PTPRQ: variants seen among roughly 807,000 people sequenced by gnomAD.
The protein encoded by PTPRQ is phosphatidylinositol phosphatase PTPRQ.
Under a neutral mutation model 246.0 loss-of-function variants are expected in PTPRQ, and 199 were observed. The ratio of observed to expected loss-of-function variants is 0.81; its 90% confidence interval spans 0.72 to 0.91. The LOEUF (loss-of-function observed/expected upper bound fraction) is 0.91, where lower values mean the gene tolerates loss of function less well. Among genes scored for constraint, PTPRQ ranks in the 40% least tolerant of loss-of-function variants. PTPRQ has a pLI of 0.00. For missense variants in PTPRQ, 2,624 were observed against 2,528.4 expected, an observed-to-expected ratio of 1.04 and a Z score of -0.81; for synonymous variants, 869 against 853.2, an observed-to-expected ratio of 1.02 and a Z score of -0.32.
intron 35 of PTPRQ, among the ~76,000 whole-genome samples, chr12:80,635,626 T>C (rs1899618474): frequency 1.3e-5 from 2 of 152,066 alleles, no homozygotes; most frequent in South Asian, 4.1e-4. Context: ...ACATGTGTAC[T>C]AAATATGTTT....
At chr12:80,648,998 G>GC in intron 36 of PTPRQ, 75 bp downstream of exon 36, 1 of 1,356,770 alleles carries the variant, frequency 7.4e-7, no homozygotes, top group South Asian at 1.7e-5. Flanking sequence ...GAACCTTAAT[G>GC]TGTGATTCAC....
At chr12:80,583,859 G>A (rs979215150) in intron 25 of PTPRQ, 7 of 152,178 alleles carry the variant, frequency 4.6e-5, no homozygotes, top group Non-Finnish European at 5.9e-5. Flanking sequence ...GTAGAATTTA[G>A]TTCCTTGCAG....
intron 16 of PTPRQ, 141 bp from the exon 17 acceptor site, chr12:80,510,182 A>C (rs1240146588): frequency 3.6e-6 from 3 of 831,234 alleles, no homozygotes; most frequent in Non-Finnish European, 5.0e-6. Context: ...GAAAGTAAAC[A>C]GTCTCTTGTG....
At position 80,542,120 on chromosome 12, in the gene PTPRQ, TA is replaced by T; in HGVS notation, c.3482del (p.Asn1161ThrfsTer15). 1.3e-6 allele frequency: 2 copies of T among 1,549,786 alleles called. No individual in the cohort carries two copies. Among genetic ancestry groups the T allele is most frequent in the Non-Finnish European group, 1.7e-6 (2 of 1,146,406 alleles). On this transcript the variant is annotated frameshift_variant, in exon 22 of 45. Transcript: ENST00000644991. LOFTEE classifies it high-confidence loss of function. ...PETSPIINTF[K>X]NLSSTSVLLS... ...AAACTTCACCAATAATCAACACTTT[TA>T]AAAACCTTTCCTCTACCTCAGTTCT...
intron 30 of PTPRQ, among the ~76,000 whole-genome samples, chr12:80,617,625 G>A (rs1898812586): frequency 6.6e-6 from 1 of 151,300 alleles, no homozygotes; most frequent in Non-Finnish European, 1.5e-5. Context: ...CCCCATGCCA[G>A]GTTGGTTAAT....
chr12:80,563,169 C>T (rs1397278934), intron 25 of PTPRQ, among the ~76,000 whole-genome samples: 1 of 152,044 alleles, frequency 6.6e-6, no homozygotes, highest in Non-Finnish European at 1.5e-5. Context: ...ACTGGATGAC[C>T]GATAAACAAC....
At chr12:80,471,712 C>T (rs1293865162) in intron 7 of PTPRQ, among the ~76,000 whole-genome samples, 2 of 150,414 alleles carry the variant, frequency 1.3e-5, no homozygotes, top group African/African-American at 4.9e-5. Context: ...CTCCTGACCT[C>T]GTGATCCGCC....
At chr12:80,455,839 T>C (rs1892965454) in intron 3 of PTPRQ, among the ~76,000 whole-genome samples, 1 of 152,122 alleles carries the variant, frequency 6.6e-6, no homozygotes, top group South Asian at 2.1e-4. Context: ...GACCTCGTGA[T>C]TCGCCCACTT....
rs114143939 is a variant in PTPRQ at position 80,679,101 on chromosome 12, T to A, written c.*78T>A. On this transcript the variant is annotated 3_prime_UTR_variant, in exon 45 of 45. Coordinates refer to ENST00000644991, the MANE Select transcript of PTPRQ (RefSeq NM_001145026.2). ...AAGTTACCCCCTCATTCTTCCGAAT[T>A]GAAATGTGCAACCTTAAAGAAATAT... is the stretch of plus-strand genomic sequence containing the variant. The A allele has an allele frequency of 1.8e-3, 2,726 of 1,499,786 alleles. 44 individuals carry two copies. The African/African-American group carries it at 0.035, about 19-fold the overall frequency. 92.9% of individuals were successfully genotyped at this position (1,499,786 alleles called of 1,614,324 possible). A position where few individuals can be genotyped will look rare whatever the true frequency, so the allele number is the denominator to read the frequency against.
At chr12:80,538,351 T>A (rs936680210) in intron 19 of PTPRQ, among the ~76,000 whole-genome samples, 1 of 152,196 alleles carries the variant, frequency 6.6e-6, no homozygotes, top group Non-Finnish European at 1.5e-5. Flanking sequence ...TCAGCAGGAA[T>A]GACTTCTGGG....
intron 19 of PTPRQ, among the ~76,000 whole-genome samples, 176 bp from the exon 20 acceptor site, chr12:80,539,600 A>G (rs933276977): frequency 6.6e-6 from 1 of 152,084 alleles, no homozygotes; most frequent in African/African-American, 2.4e-5. Context: ...CTCTTTTAGT[A>G]CAAACATATT....
At chr12:80,570,112 T>C (rs1897102132) in intron 25 of PTPRQ, among the ~76,000 whole-genome samples, 1 of 152,202 alleles carries the variant, frequency 6.6e-6, no homozygotes, top group African/African-American at 2.4e-5. Flanking sequence ...ATGGGATTGC[T>C]GGGTCAAATG....
chr12:80,516,714 G>A (rs900008952), intron 17 of PTPRQ, among the ~76,000 whole-genome samples: 13 of 152,204 alleles, frequency 8.5e-5, no homozygotes, highest in Middle Eastern at 6.8e-3. Flanking sequence ...GATTTTCACC[G>A]TGTTAAAAAT....
intron 25 of PTPRQ, among the ~76,000 whole-genome samples, chr12:80,576,819 C>G (rs1470650545): frequency 6.6e-6 from 1 of 152,168 alleles, no homozygotes; most frequent in Non-Finnish European, 1.5e-5. Context: ...TTACGTGACC[C>G]ATTATGCTAA....
chr12:80,638,482 A>G (rs1899739441), intron 35 of PTPRQ, among the ~76,000 whole-genome samples: 1 of 152,212 alleles, frequency 6.6e-6, no homozygotes, highest in Non-Finnish European at 1.5e-5. Flanking sequence ...GTTACCAACT[A>G]GGCAAAAATA....
intron 17 of PTPRQ, among the ~76,000 whole-genome samples, chr12:80,529,431 T>G (rs1895781487): frequency 6.6e-6 from 1 of 152,266 alleles, no homozygotes; most frequent in African/African-American, 2.4e-5. Flanking sequence ...TGATAAAGAT[T>G]AAAACTAAGA....
intron 30 of PTPRQ, among the ~76,000 whole-genome samples, chr12:80,617,809 C>T (rs1348422905): frequency 1.3e-5 from 2 of 151,372 alleles, no homozygotes; most frequent in Non-Finnish European, 3.0e-5. Context: ...ATGAAATTTG[C>T]ATTTGACAGA....
At chr12:80,645,406 A>G (rs1900036674) in intron 35 of PTPRQ, among the ~76,000 whole-genome samples, 1 of 152,100 alleles carries the variant, frequency 6.6e-6, no homozygotes, top group Non-Finnish European at 1.5e-5. Flanking sequence ...AATGTATTCA[A>G]TTCAGATATT....
rs9668281 is a variant in PTPRQ at position 80,615,908 on chromosome 12, C to T, written c.5164-292C>T. On this transcript the variant is annotated intron_variant, in intron 29 of 44. Transcript: ENST00000644991. Reference sequence around the variant, plus strand: ...CTCAGTGATAGGGCTGTTTAGATCACTCAGCCTTTGTTCTCAGCGTTTAGT... The same window carrying T: ...CTCAGTGATAGGGCTGTTTAGATCATTCAGCCTTTGTTCTCAGCGTTTAGT... Among the ~76,000 whole-genome samples, 7,732 of 150,878 alleles carry T rather than the reference C, an allele frequency of 0.051. 379 individuals carry two copies. The highest frequency in any genetic ancestry group is 0.13 in the African/African-American group (5,389 of 41,272).
Sources: allele counts gnomAD v4.1 joint callset (sites outside exome capture counted in the v4.1 genomes callset), GRCh38; gene constraint gnomAD v4.1.1; transcripts MANE v1.5; gene names NCBI Gene and HGNC (gene_info 2026-07-23, HGNC 2026-07-21).